Variants in EPB41L3 observed in about 807,000 individuals in gnomAD.
EPB41L3 encodes erythrocyte membrane protein band 4.1 like 3.
Under a neutral mutation model 127.1 loss-of-function variants are expected in EPB41L3, and 57 were observed. The ratio of observed to expected loss-of-function variants is 0.45; its 90% CI spans 0.36 to 0.56. The LOEUF (loss-of-function observed/expected upper bound fraction) is 0.56. Ranked by LOEUF, EPB41L3 falls within the 20% of genes least tolerant of loss-of-function variation. The probability of loss-of-function intolerance (pLI) is 0.00; values close to 1 mark genes in which losing one functional copy is unlikely to be tolerated. For missense variants in EPB41L3, 1,273 were observed against 1,372.2 expected, an observed-to-expected ratio of 0.93 and a Z score of 1.14; for synonymous variants, 572 against 549.5, an observed-to-expected ratio of 1.04 and a Z score of -0.57.
intron 1 of EPB41L3, among the ~76,000 whole-genome samples, chr18:5,628,621 T>C (rs1031804159): frequency 2.0e-5 from 3 of 152,192 alleles, no homozygotes; most frequent in African/African-American, 7.2e-5. Flanking sequence ...ACCTCAGGCT[T>C]TTCTGGCGCA....
intron 3 of EPB41L3, among the ~76,000 whole-genome samples, chr18:5,468,930 A>AC (rs374160810): frequency 1.3e-4 from 10 of 79,072 alleles, no homozygotes; most frequent in Non-Finnish European, 2.9e-4. Flanking sequence ...CAAAAAACAA[A>AC]AAACAAACAA....
At chr18:5,410,750 C>T (rs16948127) in intron 13 of EPB41L3, 131 bp from the exon 14 acceptor site, 34,182 of 670,188 alleles carry the variant, frequency 0.051, 1,586 homozygotes, top group African/African-American at 0.19. Context: ...TGTCACACTA[C>T]CTTCTCACAA....
intron 8 of EPB41L3, among the ~76,000 whole-genome samples, chr18:5,431,007 G>C (rs140674426): frequency 6.6e-6 from 1 of 152,146 alleles, no homozygotes; most frequent in Non-Finnish European, 1.5e-5. Flanking sequence ...AGGGGCATAC[G>C]ATTTCTTTAA....
intron 1 of EPB41L3, among the ~76,000 whole-genome samples, chr18:5,512,410 G>C (rs1217881696): frequency 1.3e-5 from 2 of 152,008 alleles, no homozygotes; most frequent in East Asian, 3.9e-4. Flanking sequence ...GAGTGTCTTT[G>C]TTTGGGTGGG....
intron 13 of EPB41L3, 39 bp from the exon 14 acceptor site, chr18:5,410,658 C>G (rs766242325): frequency 5.0e-6 from 8 of 1,586,362 alleles, no homozygotes; most frequent in Non-Finnish European, 6.9e-6. Flanking sequence ...AGGAGGAAGG[C>G]AGGGACAGAA....
chr18:5,535,632 T>G (rs1017028282), intron 1 of EPB41L3, among the ~76,000 whole-genome samples: 1 of 152,210 alleles, frequency 6.6e-6, no homozygotes, highest in African/African-American at 2.4e-5. Context: ...GACCTCTAGA[T>G]GCCCCGATGG....
At chr18:5,484,112 A>ACC (rs762615193) in intron 2 of EPB41L3, among the ~76,000 whole-genome samples, 3,930 of 138,478 alleles carry the variant, frequency 0.028, 205 homozygotes, top group East Asian at 0.1. Flanking sequence ...AAAAAAAAAA[A>ACC]AAAAAAAAAC....
upstream of EPB41L3, chr18:5,544,106 G>C: frequency 1.0e-6 from 1 of 985,736 alleles, no homozygotes; most frequent in Non-Finnish European, 1.2e-6. Context: ...CCCACGCCCA[G>C]AGACCGTGCG....
chr18:5,425,940 A>C (rs1177260782), intron 9 of EPB41L3, among the ~76,000 whole-genome samples: 2 of 152,160 alleles, frequency 1.3e-5, no homozygotes, highest in African/African-American at 4.8e-5. Flanking sequence ...GTTAAGTTCA[A>C]CACACTTTTG....
chr18:5,423,272 A>C (rs2077706798), intron 11 of EPB41L3, 106 bp downstream of exon 11: 1 of 1,186,026 alleles, frequency 8.4e-7, no homozygotes, highest in East Asian at 2.8e-5. Flanking sequence ...ACTGCTTTTC[A>C]ACATACAATA....
chr18:5,580,084 C>T (rs1485628710), intron 3 of EPB41L3, among the ~76,000 whole-genome samples: 1 of 152,192 alleles, frequency 6.6e-6, no homozygotes, highest in African/African-American at 2.4e-5. Flanking sequence ...AGATGGCTGG[C>T]TCTCTCCTGG....
intron 14 of EPB41L3, among the ~76,000 whole-genome samples, chr18:5,408,276 T>TCC (rs34386575): frequency 6.9e-6 from 1 of 144,574 alleles, no homozygotes; most frequent in East Asian, 2.0e-4. Context: ...CTTTTTTCTT[T>TCC]TTTTTTTTTT....
intron 2 of EPB41L3, among the ~76,000 whole-genome samples, chr18:5,482,730 T>C (rs2088819686): frequency 2.0e-5 from 3 of 151,872 alleles, no homozygotes; most frequent in Admixed American, 6.6e-5. Flanking sequence ...AGAAAAAAAC[T>C]GTCATCTAAG....
At position 5,543,873 on chromosome 18, in the gene EPB41L3, C is replaced by T. The variant is rs1598871906; in HGVS notation, c.-12+40G>A. 1 of 985,188 alleles carries T rather than the reference C, an allele frequency of 1.0e-6. No homozygotes were observed. The highest frequency in any genetic ancestry group is 4.7e-5 in the South Asian group (1 of 21,260). 61.0% of individuals were successfully genotyped at this position (985,188 alleles called of 1,614,324 possible). On this transcript the variant is annotated intron_variant, in intron 1 of 22. Coordinates refer to ENST00000341928, the MANE Select transcript of EPB41L3 (RefSeq NM_012307.5). The surrounding 1 kb of genome is among the most constrained non-coding windows in gnomAD (Gnocchi z 5.2). ...TCCTCCGCACCTCGTAAAGCCGAGACCCCCTCGCAGTCCCCCACTCCGAGA... is the reference window on the plus strand; with the variant it reads ...TCCTCCGCACCTCGTAAAGCCGAGATCCCCTCGCAGTCCCCCACTCCGAGA...
rs2073848047 is a variant in EPB41L3, at chr18:5,397,910, A to G, written c.2472+111T>C. ...GACAATAAGTGAAGACACCTTTGAG[A>G]TGTTGAAGGCAAAGCCAGCTGGATG... On this transcript the variant is annotated intron_variant, in intron 17 of 22. Coordinates refer to ENST00000341928, the MANE Select transcript of EPB41L3 (RefSeq NM_012307.5). The surrounding 1 kb of genome is among the most constrained non-coding windows in gnomAD (Gnocchi z 4.1). 1.6e-6 allele frequency: 2 copies of G among 1,257,648 alleles called. No individual in the cohort carries two copies. The highest frequency in any genetic ancestry group is 2.0e-5 in the Admixed American group (1 of 51,080). 77.9% of individuals were successfully genotyped at this position (1,257,648 alleles called of 1,614,324 possible). A position where few individuals can be genotyped will look rare whatever the true frequency, so the allele number is the denominator to read the frequency against.
intron 1 of EPB41L3, among the ~76,000 whole-genome samples, chr18:5,493,785 T>A (rs1029927889): frequency 6.6e-6 from 1 of 152,090 alleles, no homozygotes; most frequent in Non-Finnish European, 1.5e-5. Context: ...ATATTCCTCA[T>A]AATTCTAGTA....
At position 5,407,698 on chromosome 18, in the gene EPB41L3, T is replaced by C. The variant is rs1219677568; in HGVS notation, c.2157+3A>G. Reference sequence around the variant, plus strand: ...GTTGTTTGTTTTATTTTTAATTTTCTACCTGTGCCTTGAGCTCTGCATCTT... The same window carrying C: ...GTTGTTTGTTTTATTTTTAATTTTCCACCTGTGCCTTGAGCTCTGCATCTT... On this transcript the variant is annotated splice_donor_region_variant and intron_variant, in intron 15 of 22. Coordinates refer to ENST00000341928, the MANE Select transcript of EPB41L3 (RefSeq NM_012307.5). 5 of 1,613,916 alleles carry C rather than the reference T, an allele frequency of 3.1e-6. No individual in the cohort carries two copies. The highest frequency in any genetic ancestry group is 3.4e-6 in the Non-Finnish European group (4 of 1,179,892).
intron 3 of EPB41L3, among the ~76,000 whole-genome samples, chr18:5,606,573 T>C (rs1453310175): frequency 6.6e-6 from 1 of 152,324 alleles, no homozygotes; most frequent in South Asian, 2.1e-4. Flanking sequence ...TTAATTTTAG[T>C]ATCATTTTTC....
chr18:5,481,820 C>A (rs991809246), intron 2 of EPB41L3, among the ~76,000 whole-genome samples: 1 of 152,176 alleles, frequency 6.6e-6, no homozygotes, highest in South Asian at 2.1e-4. Flanking sequence ...CCATCGCTTA[C>A]GAGAGCCAAG....
Sources: gnomAD v4.1 joint callset for allele counts (sites outside exome capture counted in the v4.1 genomes callset) on GRCh38, gnomAD v4.1.1 for gene constraint, Gnocchi (gnomAD v3.1) non-coding constraint, MANE v1.5 for transcripts, NCBI Gene and HGNC (gene_info 2026-07-23, HGNC 2026-07-21) for gene names.